Variants in NRXN3 observed in about 807,000 individuals in gnomAD.
NRXN3 encodes neurexin III.
A neutral mutation model predicts 137.6 loss-of-function variants in NRXN3; 32 were observed. The ratio of observed to expected loss-of-function variants is 0.23; its 90% CI spans 0.18 to 0.31. The LOEUF (loss-of-function observed/expected upper bound fraction) is 0.31, where lower values mean the gene tolerates loss of function less well. Among genes scored for constraint, NRXN3 ranks in the 10% least tolerant of loss-of-function variants. The pLI is 1.00. For missense variants in NRXN3, 1,574 were observed against 2,062.5 expected (o/e 0.76, Z 4.59); for synonymous variants, 798 against 784.5 (o/e 1.02, Z -0.29).
intron 15 of NRXN3, among the ~76,000 whole-genome samples, chr14:79,260,250 C>T (rs1232736237): frequency 1.3e-5 from 2 of 152,050 alleles, no homozygotes; most frequent in Non-Finnish European, 2.9e-5. Context: ...TTATAAGACT[C>T]ACATATCCAT....
At chr14:79,356,971 GCCCACCTCGTCCT>G (rs1249918729) in intron 15 of NRXN3, among the ~76,000 whole-genome samples, 1 of 152,112 alleles carries the variant, frequency 6.6e-6, no homozygotes, top group Non-Finnish European at 1.5e-5. Context: ...CAAGTGATCT[GCCCACCTCGTCCT>G]CCCAAAGTGC....
At chr14:79,325,874 AG>A (rs2090778501) in intron 15 of NRXN3, among the ~76,000 whole-genome samples, 1 of 151,928 alleles carries the variant, frequency 6.6e-6, no homozygotes, top group African/African-American at 2.4e-5. Flanking sequence ...CGTGAGATGC[AG>A]TTTCTCTTTG....
At chr14:79,745,208 T>C (rs2098975941) in intron 19 of NRXN3, among the ~76,000 whole-genome samples, 1 of 152,068 alleles carries the variant, frequency 6.6e-6, no homozygotes, top group African/African-American at 2.4e-5. Flanking sequence ...ACCAGATTCT[T>C]CTCTCTGCCA....
At chr14:78,576,810 C>T (rs995266524) in intron 4 of NRXN3, among the ~76,000 whole-genome samples, 5 of 152,132 alleles carry the variant, frequency 3.3e-5, no homozygotes, top group Non-Finnish European at 5.9e-5. Flanking sequence ...TTGCGACTTC[C>T]TATACTGGGT....
chr14:79,687,979 A>G (rs933445857), intron 17 of NRXN3, among the ~76,000 whole-genome samples: 5 of 151,294 alleles, frequency 3.3e-5, no homozygotes, highest in Non-Finnish European at 7.4e-5. Context: ...TAAGGATGTT[A>G]CATTTTCTAT....
chr14:78,944,849 A>C (rs1261738573), intron 10 of NRXN3, among the ~76,000 whole-genome samples: 2 of 152,216 alleles, frequency 1.3e-5, no homozygotes, highest in African/African-American at 4.8e-5. Context: ...AATATCAGGA[A>C]TCTTATTAAA....
intron 17 of NRXN3, among the ~76,000 whole-genome samples, chr14:79,691,356 CAGGAGGGAGAGAGGAA>C (rs1041860440): frequency 6.6e-6 from 1 of 151,868 alleles, no homozygotes; most frequent in African/African-American, 2.4e-5. Flanking sequence ...AAAGAGAAAG[CAGGAGGGAGAGAGGAA>C]AGGAGGGAAG....
chr14:78,596,961 C>T (rs145633604), intron 4 of NRXN3, among the ~76,000 whole-genome samples: 221 of 152,312 alleles, frequency 1.5e-3, no homozygotes, highest in Non-Finnish European at 2.1e-3. Context: ...GCTGCAAAAA[C>T]GTTCGTTGTT....
At chr14:78,690,260 A>T (rs1258493708) in intron 6 of NRXN3, among the ~76,000 whole-genome samples, 2 of 152,182 alleles carry the variant, frequency 1.3e-5, no homozygotes, top group African/African-American at 4.8e-5. Flanking sequence ...AAAATTATGG[A>T]TCATAGACCA....
chr14:78,948,457 G>A lies in NRXN3; in HGVS notation c.2276-8785G>A, dbSNP rs528782204. Among the ~76,000 whole-genome samples, 35 of 152,248 alleles carry A rather than the reference G, an allele frequency of 2.3e-4. 1 individual carries two copies. In the South Asian group the frequency reaches 6.4e-3, roughly 28 times the overall value. On this transcript the variant is annotated intron_variant, in intron 10 of 20. Transcript: ENST00000335750. ...AAGGGCTGGCCATGCTTGAAGTGGG[G>A]GACCATCAAACTGTCTGAGCTCACA...
Position 79,614,239 on chromosome 14 carries a change from G to A in NRXN3, c.3445-49539G>A, listed in dbSNP as rs148275653. On this transcript the variant is annotated intron_variant, in intron 16 of 20. Transcript: ENST00000335750. ...AGTGTTTGAAGTAAGAATTTCCTTC[G>A]AGGAGAAGCACAAAGGGAATAGAAG... 2.3e-3 allele frequency among the ~76,000 whole-genome samples: 343 copies of A among 152,292 alleles called. 2 individuals carry two copies. The highest frequency in any genetic ancestry group is 7.8e-3 in the African/African-American group (324 of 41,570).
intron 4 of NRXN3, among the ~76,000 whole-genome samples, chr14:78,375,792 G>C (rs1475353784): frequency 6.6e-6 from 1 of 152,100 alleles, no homozygotes; most frequent in Non-Finnish European, 1.5e-5. Context: ...CACCTGCAGT[G>C]ATCTCAAAAA....
intron 15 of NRXN3, among the ~76,000 whole-genome samples, chr14:79,049,726 C>T (rs751467246): frequency 2.0e-5 from 3 of 152,120 alleles, no homozygotes; most frequent in Admixed American, 6.5e-5. Flanking sequence ...AATTACTCCT[C>T]GATCCCTTCA....
chr14:79,742,877 C>T (rs1179406948), intron 19 of NRXN3, among the ~76,000 whole-genome samples: 1 of 152,130 alleles, frequency 6.6e-6, no homozygotes, highest in East Asian at 1.9e-4. Flanking sequence ...TATGTAAATG[C>T]CCTCACACAT....
intron 15 of NRXN3, among the ~76,000 whole-genome samples, chr14:79,145,539 A>G (rs2059227998): frequency 6.6e-6 from 1 of 152,184 alleles, no homozygotes; most frequent in Non-Finnish European, 1.5e-5. Flanking sequence ...GAGCCTACAC[A>G]GATACATTTA....
At chr14:79,303,796 AG>A (rs2085550345) in intron 15 of NRXN3, among the ~76,000 whole-genome samples, 1 of 152,086 alleles carries the variant, frequency 6.6e-6, no homozygotes, top group Non-Finnish European at 1.5e-5. Flanking sequence ...TATTTACAAA[AG>A]GCAAAGAGGG....
intron 15 of NRXN3, among the ~76,000 whole-genome samples, chr14:79,238,560 CAT>C (rs1269727107): frequency 1.3e-5 from 2 of 151,990 alleles, no homozygotes; most frequent in African/African-American, 2.4e-5. Flanking sequence ...CACACACACA[CAT>C]ATAATATTTA....
At chr14:79,056,279 A>G (rs2099662446) in intron 15 of NRXN3, among the ~76,000 whole-genome samples, 1 of 152,246 alleles carries the variant, frequency 6.6e-6, no homozygotes, top group Non-Finnish European at 1.5e-5. Context: ...TACTGAGGGC[A>G]TAGTAAGGAC....
At chr14:79,693,671 C>T (rs770701188) in intron 18 of NRXN3, among the ~76,000 whole-genome samples, 4 of 151,526 alleles carry the variant, frequency 2.6e-5, no homozygotes, top group Middle Eastern at 3.2e-3. Context: ...TTTGTATAAA[C>T]CATTATAAAG....
Sources: allele counts gnomAD v4.1 joint callset (sites outside exome capture counted in the v4.1 genomes callset), GRCh38; gene constraint gnomAD v4.1.1; transcripts MANE v1.5; gene names NCBI Gene and HGNC (gene_info 2026-07-23, HGNC 2026-07-21).